PLB1: variants seen among roughly 807,000 people sequenced by gnomAD.
PLB1 encodes the protein phospholipase B1, membrane-associated.
PLB1 carries 242 observed loss-of-function variants against 227.4 expected under a neutral mutation model. The ratio of observed to expected loss-of-function variants is 1.06; its 90% CI spans 0.96 to 1.18. The LOEUF is 1.18. Ranked by LOEUF, PLB1 falls within the 50% of genes most tolerant of loss-of-function variation. The pLI, the probability that PLB1 is intolerant of heterozygous loss-of-function variation, is 0.00. For missense variants in PLB1, 1,858 were observed against 1,816.3 expected (o/e 1.02, Z -0.42); for synonymous variants, 757 against 682.2 (o/e 1.11, Z -1.71).
intron 17 of PLB1, among the ~76,000 whole-genome samples, chr2:28,555,370 G>C (rs1479087978): frequency 6.6e-6 from 1 of 152,056 alleles, no homozygotes; most frequent in Non-Finnish European, 1.5e-5. Flanking sequence ...TTGAACTCCT[G>C]ACCTCAGGTG....
chr2:28,636,156 T>G (rs1280608564), intron 56 of PLB1, among the ~76,000 whole-genome samples: 1 of 152,180 alleles, frequency 6.6e-6, no homozygotes, highest in Middle Eastern at 3.2e-3. Context: ...TCTCCTGGAT[T>G]CAAGCGATTC....
intron 17 of PLB1, among the ~76,000 whole-genome samples, chr2:28,560,576 G>A (rs1038717667): frequency 3.3e-5 from 5 of 152,124 alleles, no homozygotes; most frequent in African/African-American, 1.2e-4. Flanking sequence ...AGCCCAGGAG[G>A]CCGAGGCTGC....
chr2:28,616,699 C>T (rs1686249487), intron 44 of PLB1, among the ~76,000 whole-genome samples: 2 of 152,232 alleles, frequency 1.3e-5, no homozygotes, highest in South Asian at 4.1e-4. Flanking sequence ...CATCTGCACA[C>T]AAGCATGCTC....
intron 9 of PLB1, among the ~76,000 whole-genome samples, chr2:28,533,328 G>T (rs1489659550): frequency 6.6e-6 from 1 of 152,160 alleles, no homozygotes; most frequent in Non-Finnish European, 1.5e-5. Flanking sequence ...AGATAATGAA[G>T]ATTTATTGTT....
chr2:28,546,913 G>A (rs13018836), intron 14 of PLB1, among the ~76,000 whole-genome samples: 61,294 of 151,828 alleles, frequency 0.4, 12,756 homozygotes, highest in South Asian at 0.48. Flanking sequence ...TGAAAGGTTG[G>A]GGAAAGGTGG....
At chr2:28,539,898 C>A (rs180932276) in intron 11 of PLB1, among the ~76,000 whole-genome samples, 74 of 151,674 alleles carry the variant, frequency 4.9e-4, no homozygotes, top group Middle Eastern at 3.4e-3. Context: ...GAAGAGCTTT[C>A]CTCCATTCCA....
chr2:28,624,914 C>A, intron 49 of PLB1, 143 bp from the exon 50 acceptor site: 1 of 785,184 alleles, frequency 1.3e-6, no homozygotes, highest in Non-Finnish European at 2.1e-6. Context: ...TGTTACTAAG[C>A]TGAGATTTCT....
At chr2:28,631,223 G>T (rs1688593245) in intron 54 of PLB1, among the ~76,000 whole-genome samples, 1 of 150,912 alleles carries the variant, frequency 6.6e-6, no homozygotes, top group African/African-American at 2.4e-5. Context: ...AATTCTCCTT[G>T]CCCTCTCTCT....
At chr2:28,624,245 C>T (rs1442409815) in intron 49 of PLB1, among the ~76,000 whole-genome samples, 1 of 152,182 alleles carries the variant, frequency 6.6e-6, no homozygotes, top group African/African-American at 2.4e-5. Context: ...CCCCAGGCAA[C>T]CACTAACCTT....
chr2:28,614,515 T>A (rs2148318870), intron 44 of PLB1, among the ~76,000 whole-genome samples: 1 of 152,248 alleles, frequency 6.6e-6, no homozygotes, highest in Non-Finnish European at 1.5e-5. Flanking sequence ...ACGTTCATGT[T>A]CCTGTGGGCC....
intron 16 of PLB1, 69 bp from the exon 17 acceptor site, chr2:28,552,859 C>T: frequency 1.6e-6 from 2 of 1,280,614 alleles, no homozygotes. Flanking sequence ...AAAATAGAGG[C>T]CCCACTTCTC....
intron 17 of PLB1, among the ~76,000 whole-genome samples, chr2:28,560,249 G>T (rs1314272970): frequency 6.6e-6 from 1 of 152,082 alleles, no homozygotes; most frequent in African/African-American, 2.4e-5. Context: ...CACAATAGAA[G>T]CACATCGGCA....
intron 6 of PLB1, among the ~76,000 whole-genome samples, chr2:28,527,355 G>A (rs939561381): frequency 6.6e-6 from 1 of 152,196 alleles, no homozygotes; most frequent in African/African-American, 2.4e-5. Flanking sequence ...AATGGGGAAG[G>A]AGGGAGGAGT....
At chr2:28,566,663 G>A (rs1392227968) in intron 19 of PLB1, 133 bp from the exon 20 acceptor site, 4 of 947,644 alleles carry the variant, frequency 4.2e-6, no homozygotes, top group African/African-American at 1.6e-5. Context: ...TTCTACTGAA[G>A]TGATGGGGAA....
chr2:28,552,570 G>A (rs1011776533), intron 16 of PLB1, among the ~76,000 whole-genome samples: 17 of 152,208 alleles, frequency 1.1e-4, no homozygotes, highest in African/African-American at 4.1e-4. Context: ...GGGCAGAGGA[G>A]TGACACATCA....
At chr2:28,512,090 ATCTC>A (rs961525799) in intron 1 of PLB1, among the ~76,000 whole-genome samples, 9 of 52,104 alleles carry the variant, frequency 1.7e-4, no homozygotes, top group South Asian at 7.1e-4. Flanking sequence ...CCCCCCACCC[ATCTC>A]TCTCTCTCTT....
chr2:28,557,248 C>G (rs977840991), intron 17 of PLB1, among the ~76,000 whole-genome samples: 1 of 152,216 alleles, frequency 6.6e-6, no homozygotes, highest in East Asian at 1.9e-4. Flanking sequence ...CACAGAGTCA[C>G]TTAGCCTTTA....
At chr2:28,505,680 T>C (rs1338991733) in intron 1 of PLB1, among the ~76,000 whole-genome samples, 1 of 152,234 alleles carries the variant, frequency 6.6e-6, no homozygotes, top group Non-Finnish European at 1.5e-5. Context: ...CCAGGGTTCT[T>C]CCTGAAGGTT....
In PLB1 at chr2:28,643,885, G is replaced by C. The variant is rs913437287; in HGVS notation, c.*824G>C. ...CAGGTTTCTGAGGGAAAACTAGAGA[G>C]AGTCTGAAAATATGGGCTGCATTCA... is the stretch of plus-strand genomic sequence containing the variant. On this transcript the variant is annotated 3_prime_UTR_variant, in exon 58 of 58. Coordinates refer to ENST00000327757, the MANE Select transcript of PLB1 (RefSeq NM_153021.5). 6.6e-6 allele frequency: 1 copy of C among 152,230 alleles called. No individual in the cohort carries two copies. Among genetic ancestry groups the C allele is most frequent in the Admixed American group, 6.5e-5 (1 of 15,282 alleles). 9.4% of individuals were successfully genotyped at this position (152,230 alleles called of 1,614,324 possible).
Sources: gnomAD v4.1 joint callset for allele counts (sites outside exome capture counted in the v4.1 genomes callset) on GRCh38, gnomAD v4.1.1 for gene constraint, MANE v1.5 for transcripts, NCBI Gene and HGNC (gene_info 2026-07-23, HGNC 2026-07-21) for gene names.